Variants in NLRP12 observed in about 807,000 individuals in gnomAD.
The protein encoded by NLRP12 is NLR family pyrin domain containing 12.
NLRP12 carries 108 observed loss-of-function variants against 91.2 expected under a neutral mutation model. The ratio of observed to expected loss-of-function variants is 1.18; its 90% CI spans 1.01 to 1.39. The LOEUF is 1.39. Ranked by LOEUF, NLRP12 falls within the 40% of genes most tolerant of loss-of-function variation. The pLI is 0.00. For missense variants in NLRP12, 1,530 were observed against 1,352.7 expected, an observed-to-expected ratio of 1.13 and a Z score of -2.06; for synonymous variants, 613 against 566.7, an observed-to-expected ratio of 1.08 and a Z score of -1.16.
intron 1 of NLRP12, among the ~76,000 whole-genome samples, chr19:53,823,496 T>A (rs370451279): frequency 0.8 from 53,732 of 67,202 alleles, 21,518 homozygotes; most frequent in Non-Finnish European, 0.84. Context: ...TAAAATATAT[T>A]TATTTAAAAT....
In NLRP12 at chr19:53,805,281, G is replaced by T. The variant is rs2091938916; in HGVS notation, c.2413C>A (p.Gln805Lys). The part of the protein sequence containing the change: ...RHPQCRLQMI[Q>K]LRKCQLESGA... Reference sequence around the variant, plus strand: ...TTGCTCCCGGGGATAGAGACTCACTGAATCATCTGCAGCCTGCACTGGGGA... The same window carrying T: ...TTGCTCCCGGGGATAGAGACTCACTTAATCATCTGCAGCCTGCACTGGGGA... Residue 805 changes from glutamine to lysine, a missense_variant and splice_region_variant, in exon 5 of 10, where the codon CAG (glutamine) becomes AAG (lysine). Physicochemically the swap from Gln to Lys is moderately conservative, Grantham distance 53. Coordinates refer to ENST00000324134, the MANE Select transcript of NLRP12 (RefSeq NM_144687.4). The T allele has an allele frequency of 1.2e-6, 2 of 1,613,894 alleles. No individual in the cohort carries two copies. The highest frequency in any genetic ancestry group is 1.1e-5 in the South Asian group (1 of 91,062).
At position 53,814,909 on chromosome 19, in the gene NLRP12, T is replaced by G; in HGVS notation, c.369A>C (p.Lys123Asn). The G allele has an allele frequency of 6.2e-7, 1 of 1,613,184 alleles. No individual in the cohort carries two copies. Among genetic ancestry groups the G allele is most frequent in the Non-Finnish European group, 8.5e-7 (1 of 1,179,204 alleles). The change falls in exon 2 of 10, where the codon AAA (lysine) becomes AAC (asparagine). Residue 123 changes from lysine to asparagine, a missense_variant and splice_region_variant. By Grantham distance (94) the Lys-to-Asn change is moderately conservative. Coordinates refer to ENST00000324134, the MANE Select transcript of NLRP12 (RefSeq NM_144687.4). ...LLEVSLVTPR[K>N]DPQETYRDYV... ...GTAGGTACATGGCTTGAGGCTCACC[T>G]TTTCTTGGAGTGACAAGAGAGACTT... is the stretch of plus-strand genomic sequence containing the variant.
At chr19:53,801,150 T>C in intron 7 of NLRP12, 77 bp downstream of exon 7, 1 of 1,342,484 alleles carries the variant, frequency 7.4e-7, no homozygotes, top group Non-Finnish European at 1.1e-6. Context: ...AGAGACAACC[T>C]GGCCTCCGTG....
chr19:53,795,107 C>T lies in NLRP12; in HGVS notation c.3098+752G>A, dbSNP rs10417776. Among the ~76,000 whole-genome samples, 243 of 85,482 alleles carry T rather than the reference C, an allele frequency of 2.8e-3. 1 individual carries two copies. Among genetic ancestry groups the T allele is most frequent in the South Asian group, 8.2e-3 (22 of 2,670 alleles). The allele number at this position is 85,482 out of a possible 152,430, so 56.1% of individuals were successfully genotyped here. On this transcript the variant is annotated intron_variant, in intron 9 of 9. Transcript: ENST00000324134. ...TGTGTGCCACCATACCTGGTGTGTG[C>T]GTGTGTGTGTGTGTGTGTGTGTGTG...
At position 53,819,589 on chromosome 19, in the gene NLRP12, A is replaced by ATATATG. The variant is rs1170752701; in HGVS notation, c.289+4296_289+4297insCATATA. On this transcript the variant is annotated intron_variant, in intron 1 of 9. Coordinates refer to ENST00000324134, the MANE Select transcript of NLRP12 (RefSeq NM_144687.4). ...TATATATGCGTATATATGTATGTATACGTATATACGCATATATATGTATGT... is the reference window on the plus strand; with the variant it reads ...TATATATGCGTATATATGTATGTATATATATGCGTATATACGCATATATATGTATGT... Among the ~76,000 whole-genome samples, 2 of 57,582 alleles carry ATATATG rather than the reference A, an allele frequency of 3.5e-5. 1 individual carries two copies. Among genetic ancestry groups the ATATATG allele is most frequent in the African/African-American group, 1.3e-4 (2 of 15,882 alleles). The allele number at this position is 57,582 out of a possible 152,430, so 37.8% of individuals were successfully genotyped here.
chr19:53,807,907 C>T (rs2122639739), intron 3 of NLRP12: 2 of 475,306 alleles, frequency 4.2e-6, no homozygotes, highest in Middle Eastern at 6.4e-4. Context: ...TGAGCCACCA[C>T]GCCCAGTTAA....
intron 8 of NLRP12, among the ~76,000 whole-genome samples, chr19:53,796,734 C>CTTTGGGAG (rs1368875219): frequency 6.6e-6 from 1 of 151,706 alleles, no homozygotes; most frequent in Non-Finnish European, 1.5e-5. Flanking sequence ...TGGTGGCTCA[C>CTTTGGGAG]GCCTGTAATT....
chr19:53,820,693 T>C (rs1219930486), intron 1 of NLRP12, among the ~76,000 whole-genome samples: 1 of 45,820 alleles, frequency 2.2e-5, no homozygotes, highest in African/African-American at 5.0e-5. Context: ...AATAAATTAT[T>C]TTTTTTTTTT....
intron 1 of NLRP12, among the ~76,000 whole-genome samples, chr19:53,823,393 T>TAAATATACATTTA (rs2092290221): frequency 6.0e-5 from 6 of 100,106 alleles, no homozygotes; most frequent in Non-Finnish European, 1.1e-4. Context: ...ATACATATTT[T>TAAATATACATTTA]AAATATATAT....
At chr19:53,798,731 T>A (rs2091815848) in intron 7 of NLRP12, among the ~76,000 whole-genome samples, 1 of 152,050 alleles carries the variant, frequency 6.6e-6, no homozygotes, top group Non-Finnish European at 1.5e-5. Flanking sequence ...ATAACTTGTC[T>A]GTACAAAAAA....
rs750234197 is a variant in NLRP12, at chr19:53,824,163, G to A, written c.12C>T (p.Thr4=). Residue 4 remains threonine (T), a synonymous_variant, in exon 1 of 10, where the codon ACC becomes ACT. Transcript: ENST00000324134. MLR[T]AGRDGLCRLS... ...GGCGACAGAGGCCGTCCCTGCCTGC[G>A]GTTCGTAGCATGGGGGTGCCGTGAG... is the stretch of plus-strand genomic sequence containing the variant. 16 of 1,613,862 alleles carry A rather than the reference G, an allele frequency of 9.9e-6. No homozygotes were observed. The highest frequency in any genetic ancestry group is 8.3e-5 in the Admixed American group (5 of 59,954).
rs111754022 is a variant in NLRP12 at position 53,811,043 on chromosome 19, G to A, written c.616C>T (p.Arg206Cys). 5.5e-5 allele frequency: 89 copies of A among 1,612,576 alleles called. No individual in the cohort carries two copies. The highest frequency in any genetic ancestry group is 6.7e-5 in the Admixed American group (4 of 59,976). ...ACCACGGTGCGCGGTGGCTCGGGGC[G>A]CTCCTCGTCTGGCTCAAAGAGGGTC... ...IETLFEPDEE[R>C]PEPPRTVVMQ... The change falls in exon 3 of 10, where the codon CGC (arginine) becomes TGC (cysteine). Residue 206 changes from arginine (R) to cysteine (C), a missense_variant. Physicochemically the swap from Arg to Cys is radical, Grantham distance 180. Transcript: ENST00000324134.
intron 7 of NLRP12, 130 bp downstream of exon 7, chr19:53,801,094 CAAA>C (rs35326804): frequency 2.1e-3 from 1,384 of 645,744 alleles, no homozygotes; most frequent in Non-Finnish European, 2.3e-3. Flanking sequence ...TTGGGAGTCT[CAAA>C]AAAAAAAAAA....
rs758809508 is a variant in NLRP12 at position 53,804,079 on chromosome 19, C to T, written c.2458G>A (p.Ala820Thr). Residue 820 changes from alanine (A) to threonine (T), a missense_variant, in exon 6 of 10, where the codon GCT becomes ACT. Ala to Thr is a moderately conservative substitution (Grantham distance 58). Transcript: ENST00000324134. ...TGTGGGTTGGTGCCGAGCACAGAAG[C>T]CATCTCCTGACAAGCCCCGGACTCC... ...QLESGACQEM[A>T]SVLGTNPHLV... is the part of the protein sequence containing the mutation. 5.0e-6 allele frequency: 8 copies of T among 1,614,064 alleles called. No individual in the cohort carries two copies. Among genetic ancestry groups the T allele is most frequent in the Non-Finnish European group, 6.8e-6 (8 of 1,180,014 alleles).
chr19:53,815,997 C>G (rs1318136960), intron 1 of NLRP12, among the ~76,000 whole-genome samples: 1 of 150,128 alleles, frequency 6.7e-6, no homozygotes, highest in Non-Finnish European at 1.5e-5. Context: ...GTCTGGAACT[C>G]CTAGCTTCAA....
At chr19:53,811,445 TGGA>T (rs935331230) in intron 2 of NLRP12, among the ~76,000 whole-genome samples, 157 bp from the exon 3 acceptor site, 1 of 151,656 alleles carries the variant, frequency 6.6e-6, no homozygotes, top group African/African-American at 2.4e-5. Context: ...ACCCCTGAGG[TGGA>T]GGTTGCAGTG....
chr19:53,812,390 G>A (rs1387862192), intron 2 of NLRP12, among the ~76,000 whole-genome samples: 2 of 150,520 alleles, frequency 1.3e-5, no homozygotes, highest in African/African-American at 2.5e-5. Flanking sequence ...TCCAGCCTGG[G>A]CGACAGCGTG....
chr19:53,817,063 G>T (rs892427033), intron 1 of NLRP12, among the ~76,000 whole-genome samples: 1 of 151,016 alleles, frequency 6.6e-6, no homozygotes, highest in Non-Finnish European at 1.5e-5. Context: ...AGGCCAAGGC[G>T]GGTGGATCAC....
chr19:53,801,322 T>G lies in NLRP12; in HGVS notation c.2661A>C (p.Arg887Ser), dbSNP rs1451360020. ...GCTCATTCAGGCTCAGGTCCAGCTC[T>G]CTCAGGCTCTGGTTCACACTGAGAG... ...ASTLSVNQSL[R>S]ELDLSLNELG... The change falls in exon 7 of 10, where the codon AGA (arginine) becomes AGC (serine). Residue 887 changes from arginine (R) to serine (S), a missense_variant. Physicochemically the swap from Arg to Ser is moderately radical, Grantham distance 110. Coordinates refer to ENST00000324134, the MANE Select transcript of NLRP12 (RefSeq NM_144687.4). 6.2e-7 allele frequency: 1 copy of G among 1,613,964 alleles called. No individual in the cohort carries two copies.
Sources: allele counts gnomAD v4.1 joint callset (sites outside exome capture counted in the v4.1 genomes callset), GRCh38; gene constraint gnomAD v4.1.1; transcripts MANE v1.5; gene names NCBI Gene and HGNC (gene_info 2026-07-23, HGNC 2026-07-21).